Variants in EIF4E2 observed in about 807,000 individuals in gnomAD.
EIF4E2 encodes eukaryotic translation initiation factor 4E type 2.
In EIF4E2, 13 loss-of-function variants were observed where a neutral mutation model predicts 34.2. The ratio of observed to expected loss-of-function variants is 0.38; its 90% CI spans 0.25 to 0.60. The LOEUF (loss-of-function observed/expected upper bound fraction) is 0.60. Among genes scored for constraint, EIF4E2 ranks in the 20% least tolerant of loss-of-function variants. The pLI is 0.62. For missense variants in EIF4E2, 222 were observed against 315.1 expected (o/e 0.70, Z 2.24); for synonymous variants, 100 against 106.6 (o/e 0.94, Z 0.38).
chr2:232,582,868 C>T (rs1394866957), exon 7 of EIF4E2: 1 of 152,058 alleles, frequency 6.6e-6, no homozygotes, highest in Non-Finnish European at 1.5e-5. Flanking sequence ...TCATGTTTTC[C>T]CTTCCTTTTT....
chr2:232,564,230 G>A lies in EIF4E2; in HGVS notation c.271-17G>A. Reference sequence around the variant, plus strand: ...TAAAAGACACATGTTTTTTACTCTGGGGTCTTCTCTCTGCAGGTGGAGCAG... The same window carrying A: ...TAAAAGACACATGTTTTTTACTCTGAGGTCTTCTCTCTGCAGGTGGAGCAG... On this transcript the variant is annotated splice_polypyrimidine_tract_variant and intron_variant, in intron 3 of 6. Transcript: ENST00000258416. The A allele has an allele frequency of 6.5e-7, 1 of 1,547,712 alleles. No homozygotes were observed. Among genetic ancestry groups the A allele is most frequent in the Non-Finnish European group, 8.8e-7 (1 of 1,136,650 alleles).
At chr2:232,579,817 A>G (rs1003520310) in intron 6 of EIF4E2, among the ~76,000 whole-genome samples, 1 of 152,168 alleles carries the variant, frequency 6.6e-6, no homozygotes, top group South Asian at 2.1e-4. Context: ...AGCTTCTAGA[A>G]TGTCCCTTTA....
At chr2:232,556,794 G>A (rs1421575486) in intron 2 of EIF4E2, among the ~76,000 whole-genome samples, 1 of 152,178 alleles carries the variant, frequency 6.6e-6, no homozygotes, top group African/African-American at 2.4e-5. Context: ...AGCTTAACAA[G>A]GCTGTTAGCT....
chr2:232,573,770 C>A, downstream of EIF4E2: 15 of 284,042 alleles, frequency 5.3e-5, no homozygotes, highest in South Asian at 1.7e-4. Context: ...AATATGAAAA[C>A]AGAGAAAGTG....
rs1227942143 is a variant in EIF4E2, at chr2:232,581,958, G to T, written c.*1015G>T. 6.6e-6 allele frequency: 1 copy of T among 152,292 alleles called. No homozygotes were observed. The highest frequency in any genetic ancestry group is 1.5e-5 in the Non-Finnish European group (1 of 68,088). 9.4% of individuals were successfully genotyped at this position (152,292 alleles called of 1,614,324 possible). A position where few individuals can be genotyped will look rare whatever the true frequency, so the allele number is the denominator to read the frequency against. On this transcript the variant is annotated 3_prime_UTR_variant, in exon 7 of 7. Coordinates refer to the EIF4E2 transcript ENST00000409098. The surrounding 1 kb of genome is among the most constrained non-coding windows in gnomAD (Gnocchi z 5.2). ...TGGCTTTATTTGCATGGCTCTGCCTGTCTGCAGTGGTTGAGTCCTCATCAC... is the reference window on the plus strand; with the variant it reads ...TGGCTTTATTTGCATGGCTCTGCCTTTCTGCAGTGGTTGAGTCCTCATCAC...
chr2:232,569,136 T>G lies in EIF4E2; in HGVS notation c.*119T>G. 6.6e-7 allele frequency: 1 copy of G among 1,504,512 alleles called. No individual in the cohort carries two copies. The highest frequency in any genetic ancestry group is 1.4e-5 in the African/African-American group (1 of 71,592). 93.2% of individuals were successfully genotyped at this position (1,504,512 alleles called of 1,614,324 possible). A position where few individuals can be genotyped will look rare whatever the true frequency, so the allele number is the denominator to read the frequency against. Reference sequence around the variant, plus strand: ...GGACAAGAGGAATTGGAAGAGCATTTTATGTTTTAAGAACAGGCTGACACG... The same window carrying G: ...GGACAAGAGGAATTGGAAGAGCATTGTATGTTTTAAGAACAGGCTGACACG... On this transcript the variant is annotated 3_prime_UTR_variant, in exon 7 of 7. Coordinates refer to ENST00000258416, the MANE Select transcript of EIF4E2 (RefSeq NM_004846.4).
chr2:232,551,848 G>A (rs1692345220), intron 1 of EIF4E2, among the ~76,000 whole-genome samples: 1 of 152,190 alleles, frequency 6.6e-6, no homozygotes, highest in Admixed American at 6.5e-5. Flanking sequence ...ACTCCAGGCA[G>A]GTAGGTCCTC....
intron 6 of EIF4E2, among the ~76,000 whole-genome samples, chr2:232,579,121 A>AACACACAC: frequency 1.4e-5 from 1 of 69,376 alleles, no homozygotes; most frequent in Admixed American, 1.7e-4. Context: ...AGAACTCAGA[A>AACACACAC]ATACACACAC....
chr2:232,578,562 C>T (rs1442059340), intron 6 of EIF4E2, among the ~76,000 whole-genome samples: 8 of 150,476 alleles, frequency 5.3e-5, no homozygotes, highest in East Asian at 3.9e-4. Flanking sequence ...ACCCAGGAGG[C>T]GGAGGATGCA....
At chr2:232,562,877 C>G (rs1331254486) in intron 3 of EIF4E2, among the ~76,000 whole-genome samples, 20 of 152,246 alleles carry the variant, frequency 1.3e-4, no homozygotes, top group Admixed American at 1.3e-3. Context: ...CTAAGCTTAG[C>G]AGTTGCTGAG....
downstream of EIF4E2, among the ~76,000 whole-genome samples, chr2:232,570,579 C>T (rs781273072): frequency 5.3e-5 from 8 of 152,242 alleles, no homozygotes; most frequent in Admixed American, 4.6e-4. Context: ...TTTCTGCTTT[C>T]TTCTATTCCT....
At chr2:232,568,304 G>A in intron 6 of EIF4E2, 2 of 985,408 alleles carry the variant, frequency 2.0e-6, no homozygotes, top group South Asian at 4.7e-5. Flanking sequence ...AACCAGCTAA[G>A]TGCCAGTTTT....
intron 6 of EIF4E2, chr2:232,567,455 C>A: frequency 7.6e-7 from 1 of 1,309,774 alleles, no homozygotes; most frequent in Non-Finnish European, 9.7e-7. Flanking sequence ...AGTTGTACTA[C>A]CTGGGCTTGC....
At chr2:232,567,754 A>G in intron 6 of EIF4E2, 2 of 988,016 alleles carry the variant, frequency 2.0e-6, no homozygotes, top group Non-Finnish European at 2.4e-6. Context: ...TGAAGGCCAC[A>G]GGGAAAATAA....
rs377503123 is a variant in EIF4E2 at position 232,564,395 on chromosome 2, G to A, written c.375+44G>A. 3.2e-6 allele frequency: 4 copies of A among 1,246,944 alleles called. No individual in the cohort carries two copies. The African/African-American group carries it at 6.0e-5, about 19-fold the overall frequency. 77.2% of individuals were successfully genotyped at this position (1,246,944 alleles called of 1,614,324 possible). ...TGACTGCTTTTTTGAGCAAGTTTGG[G>A]TTTTTTTGTTTTGTCTCTTAGCCCT... On this transcript the variant is annotated intron_variant, in intron 4 of 6. Transcript: ENST00000258416.
At chr2:232,576,328 G>C (rs542793560) in intron 6 of EIF4E2, among the ~76,000 whole-genome samples, 1 of 152,254 alleles carries the variant, frequency 6.6e-6, no homozygotes, top group African/African-American at 2.4e-5. Flanking sequence ...TGGCATCTGA[G>C]GTTCAGTGAA....
At position 232,550,713 on chromosome 2, in the gene EIF4E2, G is replaced by A. The variant is rs758491778; in HGVS notation, c.-12G>A. On this transcript the variant is annotated 5_prime_UTR_variant, in exon 1 of 7. Transcript: ENST00000258416. ...CACTCCCTGAGGCAGTGGCGACAGC[G>A]GCGGCGAGAGGATGAACAACAAGTT... 6 of 1,584,232 alleles carry A rather than the reference G, an allele frequency of 3.8e-6. No individual in the cohort carries two copies. In the South Asian group the frequency reaches 6.9e-5, roughly 18 times the overall value.
At chr2:232,561,044 G>A (rs1423987788) in intron 3 of EIF4E2, among the ~76,000 whole-genome samples, 2 of 152,216 alleles carry the variant, frequency 1.3e-5, no homozygotes, top group Admixed American at 1.3e-4. Flanking sequence ...GATACTATGG[G>A]AAAGGCATTT....
In EIF4E2 at chr2:232,557,014, A is replaced by G. The variant is rs142776099; in HGVS notation, c.135+484A>G. 6.6e-3 allele frequency among the ~76,000 whole-genome samples: 1,000 copies of G among 152,328 alleles called. 9 individuals are homozygous for G. Among genetic ancestry groups the G allele is most frequent in the East Asian group, 0.024 (126 of 5,188 alleles). On this transcript the variant is annotated intron_variant, in intron 2 of 6. Coordinates refer to ENST00000258416, the MANE Select transcript of EIF4E2 (RefSeq NM_004846.4). Reference sequence around the variant, plus strand: ...GTAATCCTAGCACTTTGGAAGGCCAAGGTGGGTGGATCACTAGGTCAAGAG... The same window carrying G: ...GTAATCCTAGCACTTTGGAAGGCCAGGGTGGGTGGATCACTAGGTCAAGAG...
Sources: gnomAD v4.1 joint callset for allele counts (sites outside exome capture counted in the v4.1 genomes callset) on GRCh38, gnomAD v4.1.1 for gene constraint, Gnocchi (gnomAD v3.1) non-coding constraint, MANE v1.5 for transcripts, NCBI Gene and HGNC (gene_info 2026-07-23, HGNC 2026-07-21) for gene names.